The following ITGB5 variants were observed in gnomAD, a reference collection of about 807,000 sequenced individuals.
ITGB5 encodes the protein integrin subunit beta 5.
In ITGB5, 38 loss-of-function variants were observed where a neutral mutation model predicts 84.8. That is an observed-to-expected ratio of 0.45 (90% CI 0.35 to 0.59). The LOEUF (loss-of-function observed/expected upper bound fraction) is 0.59, where lower values mean the gene tolerates loss of function less well. Among genes scored for constraint, ITGB5 ranks in the 20% least tolerant of loss-of-function variants. The pLI, the probability that ITGB5 is intolerant of heterozygous loss-of-function variation, is 0.01. For synonymous variants in ITGB5, 393 were observed against 414.4 expected, an observed-to-expected ratio of 0.95 and a Z score of 0.63; for missense variants, 905 against 1,034.5, an observed-to-expected ratio of 0.87 and a Z score of 1.72.
At position 124,884,945 on chromosome 3, in the gene ITGB5, G is replaced by C. The variant is rs140958437; in HGVS notation, c.70+1986C>G. ...GTACGTGAACTCTGAAAAAGAGAAAGCAAGATGCAAGTGGAAAATAATGTA... is the reference window on the plus strand; with the variant it reads ...GTACGTGAACTCTGAAAAAGAGAAACCAAGATGCAAGTGGAAAATAATGTA... On this transcript the variant is annotated intron_variant, in intron 1 of 14. Transcript: ENST00000296181. Among the ~76,000 whole-genome samples, 10 of 152,160 alleles carry C rather than the reference G, an allele frequency of 6.6e-5. No homozygotes were observed. The East Asian group carries it at 1.9e-3, about 30-fold the overall frequency.
chr3:124,807,589 T>C lies in ITGB5; in HGVS notation c.1263+1433A>G, dbSNP rs1240289992. Reference sequence around the variant, plus strand: ...TTTCATTTTCTCAACTTCCATATGATATTTTGAACTGTCCCTTTATTTGGG... The same window carrying C: ...TTTCATTTTCTCAACTTCCATATGACATTTTGAACTGTCCCTTTATTTGGG... On this transcript the variant is annotated intron_variant, in intron 9 of 14. Coordinates refer to ENST00000296181, the MANE Select transcript of ITGB5 (RefSeq NM_002213.5). 2.0e-5 allele frequency among the ~76,000 whole-genome samples: 3 copies of C among 152,140 alleles called. No homozygotes were observed. In the East Asian group the frequency reaches 5.8e-4, roughly 29 times the overall value.
At chr3:124,851,741 T>G (rs1385640450) in intron 3 of ITGB5, among the ~76,000 whole-genome samples, 1 of 152,034 alleles carries the variant, frequency 6.6e-6, no homozygotes, top group Non-Finnish European at 1.5e-5. Context: ...GTAACACCAC[T>G]GATGTTCAGA....
intron 5 of ITGB5, among the ~76,000 whole-genome samples, chr3:124,828,727 G>A (rs937732214): frequency 1.3e-5 from 2 of 152,146 alleles, no homozygotes; most frequent in African/African-American, 2.4e-5. Context: ...TCAAGCCATC[G>A]CAGTGCTGGC....
chr3:124,796,064 A>G (rs934196683), intron 10 of ITGB5, among the ~76,000 whole-genome samples: 1 of 152,226 alleles, frequency 6.6e-6, no homozygotes, highest in African/African-American at 2.4e-5. Flanking sequence ...CCAGGAGGCA[A>G]TCAAGAAGAG....
chr3:124,848,692 T>C (rs1397966696), intron 3 of ITGB5, 134 bp from the exon 4 acceptor site: 2 of 971,564 alleles, frequency 2.1e-6, no homozygotes, highest in African/African-American at 3.3e-5. Context: ...AGATTTTTCT[T>C]GGAAGTAAAG....
chr3:124,809,578 G>A (rs1388137973), intron 8 of ITGB5, among the ~76,000 whole-genome samples: 6 of 151,964 alleles, frequency 3.9e-5, no homozygotes, highest in African/African-American at 1.5e-4. Context: ...TTTGCACAAT[G>A]GCTCCTCTCT....
At position 124,773,683 on chromosome 3, in the gene ITGB5, C is replaced by T. The variant is rs2063880665; in HGVS notation, c.1916+7G>A. The T allele has an allele frequency of 6.2e-7, 1 of 1,611,274 alleles. No homozygotes were observed. Reference sequence around the variant, plus strand: ...AAGTAAGGTGGGGCTGTCAGTGGAACCAGTACCTCTTGGTGCTGCATGCAT... The same window carrying T: ...AAGTAAGGTGGGGCTGTCAGTGGAATCAGTACCTCTTGGTGCTGCATGCAT... On this transcript the variant is annotated splice_region_variant and intron_variant, in intron 11 of 14. Transcript: ENST00000296181.
chr3:124,796,586 C>T lies in ITGB5; in HGVS notation c.1495G>A (p.Glu499Lys), dbSNP rs924784211. The change falls in exon 10 of 15, where the codon GAG becomes AAG. Residue 499 changes from glutamate to lysine, a missense_variant. Physicochemically the swap from Glu to Lys is moderately conservative, Grantham distance 56 (BLOSUM62 1). Around this residue, in one of 3 missense-constraint regions of ITGB5, gnomAD observed 656 missense variants for 734.7 expected, o/e 0.89. Coordinates refer to ENST00000296181, the MANE Select transcript of ITGB5 (RefSeq NM_002213.5). ...CSPGYLGTRC[E>K]CQDGENQSVY... ...CTCTGGTTCTCCCCATCCTGGCACT[C>T]GCACCTGGTGCCCAGGTAGCCGGGG... 5.6e-6 allele frequency: 9 copies of T among 1,614,140 alleles called. No individual in the cohort carries two copies. The highest frequency in any genetic ancestry group is 1.6e-4 in the Middle Eastern group (1 of 6,062).
At chr3:124,763,747 G>C in intron 14 of ITGB5, 29 bp from the exon 15 acceptor site, 1 of 1,338,130 alleles carries the variant, frequency 7.5e-7, no homozygotes. Context: ...AAGAGGATGA[G>C]GACACATGTT....
At chr3:124,879,864 A>C (rs1259429200) in intron 1 of ITGB5, among the ~76,000 whole-genome samples, 2 of 152,272 alleles carry the variant, frequency 1.3e-5, no homozygotes, top group Non-Finnish European at 2.9e-5. Flanking sequence ...AATAGGAACT[A>C]TATAGGCACA....
intron 7 of ITGB5, among the ~76,000 whole-genome samples, chr3:124,819,353 C>A (rs1172193988): frequency 1.3e-5 from 2 of 152,180 alleles, no homozygotes; most frequent in African/African-American, 4.8e-5. Flanking sequence ...CAGGCTCAGG[C>A]ATAAAGCTCT....
chr3:124,765,471 T>C (rs984763476), intron 13 of ITGB5, among the ~76,000 whole-genome samples: 12 of 152,212 alleles, frequency 7.9e-5, no homozygotes, highest in African/African-American at 7.2e-5. Context: ...ACTTGAGTGA[T>C]ACCCTGCCCA....
At chr3:124,861,637 C>T (rs1251758089) in intron 2 of ITGB5, among the ~76,000 whole-genome samples, 2 of 150,280 alleles carry the variant, frequency 1.3e-5, no homozygotes, top group Admixed American at 6.7e-5. Flanking sequence ...TCTCAGCTCA[C>T]TGCAACCTCC....
At chr3:124,850,849 C>T (rs2065142517) in intron 3 of ITGB5, among the ~76,000 whole-genome samples, 1 of 151,950 alleles carries the variant, frequency 6.6e-6, no homozygotes, top group Non-Finnish European at 1.5e-5. Flanking sequence ...CCTTGGGTGC[C>T]ACATCACAGT....
At chr3:124,890,475 G>C (rs575971803), upstream of ITGB5, among the ~76,000 whole-genome samples, 3 of 152,124 alleles carry the variant, frequency 2.0e-5, no homozygotes, top group Non-Finnish European at 2.9e-5. Flanking sequence ...AAAGTGCTGG[G>C]GGCATGAGCC....
At chr3:124,801,142 C>T (rs72972531) in intron 9 of ITGB5, among the ~76,000 whole-genome samples, 7 of 152,072 alleles carry the variant, frequency 4.6e-5, no homozygotes, top group Non-Finnish European at 1.0e-4. Flanking sequence ...TGGACGGGAG[C>T]GGGGAGGGGG....
At chr3:124,786,472 C>T (rs898458231) in intron 10 of ITGB5, among the ~76,000 whole-genome samples, 25 of 151,966 alleles carry the variant, frequency 1.6e-4, no homozygotes, top group African/African-American at 5.8e-4. Flanking sequence ...AACTTCATGA[C>T]GTCAAATAAC....
chr3:124,782,586 G>T (rs145834612), intron 10 of ITGB5, among the ~76,000 whole-genome samples: 1 of 152,296 alleles, frequency 6.6e-6, no homozygotes, highest in Admixed American at 6.5e-5. Flanking sequence ...GGCTGGGCAC[G>T]GTGGCTCACG....
At chr3:124,774,830 T>C (rs533498447) in intron 10 of ITGB5, among the ~76,000 whole-genome samples, 1 of 152,302 alleles carries the variant, frequency 6.6e-6, no homozygotes, top group South Asian at 2.1e-4. Context: ...GTGCTTCCTA[T>C]ATGAGCACCT....
Sources: allele counts gnomAD v4.1 joint callset (sites outside exome capture counted in the v4.1 genomes callset), GRCh38; gene constraint gnomAD v4.1.1; regional missense constraint gnomAD v4.1.1; transcripts MANE v1.5; gene names NCBI Gene and HGNC (gene_info 2026-07-23, HGNC 2026-07-21).